Variants in RIN2 observed in about 807,000 individuals in gnomAD.
RIN2 encodes the protein RAB5 interacting protein 2.
A neutral mutation model predicts 78.0 loss-of-function variants in RIN2; 36 were observed. The ratio of observed to expected loss-of-function variants is 0.46; its 90% CI spans 0.35 to 0.61. RIN2 has a LOEUF of 0.61. Ranked by LOEUF, RIN2 falls within the 20% of genes least tolerant of loss-of-function variation. The pLI is 0.00. For synonymous variants in RIN2, 466 were observed against 466.8 expected (o/e 1.00, Z 0.02); for missense variants, 1,087 against 1,159.7 (o/e 0.94, Z 0.91).
chr20:19,888,744 C>T (rs2038310377), intron 2 of RIN2, among the ~76,000 whole-genome samples: 1 of 152,214 alleles, frequency 6.6e-6, no homozygotes, highest in Admixed American at 6.5e-5. Context: ...CCCCCAGGCC[C>T]CCCTCAATGC....
In RIN2 at chr20:19,892,405, G is replaced by A. The variant is rs139273038; in HGVS notation, c.57+2747G>A. On this transcript the variant is annotated intron_variant, in intron 3 of 12. Transcript: ENST00000255006. Reference sequence around the variant, plus strand: ...TAATTTTTGTATTTTTAGTAGAGACGGGGTTTCACCATCTTGGCCGTGCTG... The same window carrying A: ...TAATTTTTGTATTTTTAGTAGAGACAGGGTTTCACCATCTTGGCCGTGCTG... Among the ~76,000 whole-genome samples the A allele has an allele frequency of 8.5e-3, 1,297 of 152,080 alleles. 15 individuals carry two copies. The highest frequency in any genetic ancestry group is 0.03 in the African/African-American group (1,242 of 41,464).
At chr20:19,892,914 T>C (rs1034432934) in intron 3 of RIN2, among the ~76,000 whole-genome samples, 1 of 152,174 alleles carries the variant, frequency 6.6e-6, no homozygotes, top group Non-Finnish European at 1.5e-5. Flanking sequence ...CACCATGCTT[T>C]ATTTCAGTTC....
intron 2 of RIN2, among the ~76,000 whole-genome samples, chr20:19,802,799 C>T (rs1249297136): frequency 1.3e-5 from 2 of 152,132 alleles, no homozygotes; most frequent in East Asian, 3.9e-4. Flanking sequence ...GCTCTGGCAC[C>T]ATCTAGAGCA....
chr20:19,925,260 A>G (rs1319099862), intron 3 of RIN2, among the ~76,000 whole-genome samples: 1 of 152,226 alleles, frequency 6.6e-6, no homozygotes, highest in Non-Finnish European at 1.5e-5. Flanking sequence ...ACTTTGCACC[A>G]TGCACAAAAC....
chr20:19,869,391 G>A (rs2037611304), intron 2 of RIN2, among the ~76,000 whole-genome samples: 1 of 152,170 alleles, frequency 6.6e-6, no homozygotes, highest in African/African-American at 2.4e-5. Context: ...GACATGGTGA[G>A]GTGGGGAGAC....
chr20:19,763,419 T>C (rs889016186), intron 1 of RIN2, among the ~76,000 whole-genome samples: 10 of 148,202 alleles, frequency 6.7e-5, no homozygotes, highest in African/African-American at 2.3e-4. Flanking sequence ...AAGATATATA[T>C]GTATATCAGC....
chr20:19,868,039 A>T (rs936136502), intron 2 of RIN2, among the ~76,000 whole-genome samples: 9 of 152,314 alleles, frequency 5.9e-5, no homozygotes, highest in African/African-American at 1.9e-4. Context: ...GTGCACAAAG[A>T]GCCGAACCAA....
intron 8 of RIN2, among the ~76,000 whole-genome samples, chr20:19,972,337 AT>A (rs1405044440): frequency 6.6e-6 from 1 of 152,120 alleles, no homozygotes; most frequent in African/African-American, 2.4e-5. Context: ...CTCCAGTCTG[AT>A]GGTCCACAGG....
chr20:19,957,998 G>A (rs1477744632), intron 5 of RIN2, among the ~76,000 whole-genome samples: 1 of 152,242 alleles, frequency 6.6e-6, no homozygotes, highest in African/African-American at 2.4e-5. Flanking sequence ...CTAAGAACTA[G>A]ATGGAGAAGC....
At chr20:19,815,911 TG>T (rs747308344) in intron 2 of RIN2, among the ~76,000 whole-genome samples, 4 of 152,230 alleles carry the variant, frequency 2.6e-5, no homozygotes, top group Non-Finnish European at 5.9e-5. Context: ...TCATATAGTT[TG>T]TAGCAATCCA....
At chr20:19,871,864 C>A (rs1039679645) in intron 2 of RIN2, 1 of 152,024 alleles carries the variant, frequency 6.6e-6, no homozygotes, top group African/African-American at 2.4e-5. Context: ...ATGAGGAGGA[C>A]GCTAAGATTT....
chr20:19,983,354 C>T (rs1207518667), intron 9 of RIN2, among the ~76,000 whole-genome samples: 1 of 152,172 alleles, frequency 6.6e-6, no homozygotes, highest in Non-Finnish European at 1.5e-5. Context: ...GGGAAAGTCA[C>T]CTGACTTCCA....
At chr20:19,804,645 T>A (rs1002929482) in intron 2 of RIN2, among the ~76,000 whole-genome samples, 1 of 151,390 alleles carries the variant, frequency 6.6e-6, no homozygotes, top group Non-Finnish European at 1.5e-5. Flanking sequence ...TCAGGGATAT[T>A]GGCCTGAAGT....
intron 9 of RIN2, among the ~76,000 whole-genome samples, chr20:19,976,256 A>G (rs568553958): frequency 3.9e-4 from 59 of 152,168 alleles, no homozygotes; most frequent in Non-Finnish European, 8.8e-5. Flanking sequence ...CATTGGAATG[A>G]GTTTCCACCG....
chr20:19,975,369 G>C lies in RIN2; in HGVS notation c.1344G>C (p.Met448Ile), dbSNP rs781480608. Residue 448 changes from methionine (M) to isoleucine (I), a missense_variant, in exon 9 of 13, where the codon ATG becomes ATC. Met to Ile is a conservative substitution (Grantham distance 10). Coordinates refer to ENST00000255006, the MANE Select transcript of RIN2 (RefSeq NM_018993.4). This position sits in a 1 kb window ranked among gnomAD's most constrained non-coding sequence, Gnocchi z 4.9. ...ACTCGCTGGAGTTCGACCGGAGCAT[G>C]CCTCTGTTTGGCTACGAGGCGGACA... Reference protein sequence around the residue: ...SSDSLEFDRSMPLFGYEADTN... With the variant: ...SSDSLEFDRSIPLFGYEADTN... 5.9e-5 allele frequency: 95 copies of C among 1,613,814 alleles called. 2 individuals carry two copies. The highest frequency in any genetic ancestry group is 1.6e-4 in the Middle Eastern group (1 of 6,084).
chr20:19,943,888 C>T (rs2040978716), intron 4 of RIN2, among the ~76,000 whole-genome samples: 1 of 151,772 alleles, frequency 6.6e-6, no homozygotes, highest in African/African-American at 2.4e-5. Context: ...CAGGGTCCTG[C>T]CGTGTCCAGA....
chr20:19,837,824 C>T (rs1459842044), intron 2 of RIN2, among the ~76,000 whole-genome samples: 1 of 151,458 alleles, frequency 6.6e-6, no homozygotes, highest in Non-Finnish European at 1.5e-5. Flanking sequence ...CTTTCTTCCC[C>T]TCCCCTGTCT....
chr20:19,758,565 G>A (rs78099367), intron 1 of RIN2, among the ~76,000 whole-genome samples: 2,103 of 152,280 alleles, frequency 0.014, 43 homozygotes, highest in African/African-American at 0.048. Flanking sequence ...GTGACATTCC[G>A]GAGCGCGAGG....
rs562329725 is a variant in RIN2, at chr20:19,759,475, A to G, written c.-163+1148A>G. On this transcript the variant is annotated intron_variant, in intron 1 of 12. Coordinates refer to ENST00000255006, the MANE Select transcript of RIN2 (RefSeq NM_018993.4). ...GCACTCCATCATTAAGATAAATAGT[A>G]TTTTAATACAATCTTTTTAACAAAA... 6.0e-4 allele frequency among the ~76,000 whole-genome samples: 92 copies of G among 152,336 alleles called. 2 individuals carry two copies. Among genetic ancestry groups the G allele is most frequent in the African/African-American group, 2.1e-3 (87 of 41,582 alleles).
Sources: allele counts gnomAD v4.1 joint callset (sites outside exome capture counted in the v4.1 genomes callset), GRCh38; gene constraint gnomAD v4.1.1; non-coding constraint Gnocchi (gnomAD v3.1); transcripts MANE v1.5; gene names NCBI Gene and HGNC (gene_info 2026-07-23, HGNC 2026-07-21).